The following SDR9C7 variants were observed in gnomAD, a reference collection of about 807,000 sequenced individuals.
SDR9C7 encodes short chain dehydrogenase/reductase family 9C member 7.
Under a neutral mutation model 23.6 loss-of-function variants are expected in SDR9C7, and 11 were observed. The ratio of observed to expected loss-of-function variants is 0.47; its 90% confidence interval spans 0.29 to 0.77. SDR9C7 has a LOEUF of 0.77. Among genes scored for constraint, SDR9C7 ranks in the 30% least tolerant of loss-of-function variants. SDR9C7 has a pLI of 0.09. For missense variants in SDR9C7, 387 were observed against 407.1 expected, an observed-to-expected ratio of 0.95 and a Z score of 0.42; for synonymous variants, 167 against 157.3, an observed-to-expected ratio of 1.06 and a Z score of -0.46.
At chr12:56,931,934 A>G (rs864541) in intron 1 of SDR9C7, among the ~76,000 whole-genome samples, 41,489 of 151,948 alleles carry the variant, frequency 0.27, 7,375 homozygotes, top group African/African-American at 0.5. Context: ...CCATGCCCCT[A>G]CCCAGTCTCC....
chr12:56,933,707 C>G (rs142517875), intron 1 of SDR9C7, among the ~76,000 whole-genome samples: 448 of 152,308 alleles, frequency 2.9e-3, no homozygotes, highest in Middle Eastern at 0.014. Context: ...ATCTTCCCCC[C>G]TCGCTTCCTA....
At chr12:56,929,678 G>A in intron 2 of SDR9C7, 125 bp from the exon 3 acceptor site, 1 of 1,158,298 alleles carries the variant, frequency 8.6e-7, no homozygotes, top group Admixed American at 2.4e-5. Context: ...CTTGGCCCTG[G>A]CATTGCCTTT....
At chr12:56,927,377 T>C (rs1050859447) in intron 3 of SDR9C7, among the ~76,000 whole-genome samples, 11 of 152,176 alleles carry the variant, frequency 7.2e-5, no homozygotes, top group Non-Finnish European at 1.5e-5. Context: ...CACAAATAAT[T>C]TGAACTACTC....
Position 56,934,330 on chromosome 12 carries a change from T to C in SDR9C7, c.-69A>G. 2 of 1,408,724 alleles carry C rather than the reference T, an allele frequency of 1.4e-6. No individual in the cohort carries two copies. The highest frequency in any genetic ancestry group is 2.0e-6 in the Non-Finnish European group (2 of 1,025,012). 87.3% of individuals were successfully genotyped at this position (1,408,724 alleles called of 1,614,324 possible). ...GACAGCAGGGAAGAAGCTGGTCCTC[T>C]GAGCCCTAGCAGGCAGTCTGCAGGA... On this transcript the variant is annotated 5_prime_UTR_variant, in exon 1 of 4. Coordinates refer to ENST00000293502, the MANE Select transcript of SDR9C7 (RefSeq NM_148897.3).
chr12:56,934,291 G>A lies in SDR9C7; in HGVS notation c.-30C>T, dbSNP rs775892594. ...CAAGGGGAATGTGATGGCCAAGAGG[G>A]ACTGGGCTCAGGAGACAGCAGGGAA... is the stretch of plus-strand genomic sequence containing the variant. On this transcript the variant is annotated 5_prime_UTR_variant, in exon 1 of 4. Transcript: ENST00000293502. The A allele has an allele frequency of 3.2e-5, 51 of 1,587,564 alleles. No individual in the cohort carries two copies. The Admixed American group carries it at 6.3e-4, about 19-fold the overall frequency.
intron 1 of SDR9C7, among the ~76,000 whole-genome samples, chr12:56,933,506 G>A (rs899250806): frequency 6.6e-6 from 1 of 152,080 alleles, no homozygotes; most frequent in Non-Finnish European, 1.5e-5. Context: ...CTACAGGCAC[G>A]TGCCACCACA....
At chr12:56,933,804 G>A (rs1455615650) in intron 1 of SDR9C7, among the ~76,000 whole-genome samples, 157 bp downstream of exon 1, 2 of 152,138 alleles carry the variant, frequency 1.3e-5, no homozygotes, top group African/African-American at 2.4e-5. Context: ...GCCAAACCAT[G>A]CAGTGGCTTC....
chr12:56,933,893 G>T lies in SDR9C7; in HGVS notation c.301+68C>A, dbSNP rs779527428. 4.4e-5 allele frequency: 68 copies of T among 1,529,084 alleles called. No individual in the cohort carries two copies. The Middle Eastern group carries it at 7.0e-4, about 16-fold the overall frequency. The allele number at this position is 1,529,084 out of a possible 1,614,324, so 94.7% of individuals were successfully genotyped here. A position where few individuals can be genotyped will look rare whatever the true frequency, so the allele number is the denominator to read the frequency against. ...GACATCAGGGTCTCTGATACTGTCA[G>T]ATGCTTCGGGAGAGAGGAAGAGGAA... On this transcript the variant is annotated intron_variant, in intron 1 of 3. Coordinates refer to ENST00000293502, the MANE Select transcript of SDR9C7 (RefSeq NM_148897.3).
Position 56,930,463 on chromosome 12 carries a change from T to C in SDR9C7, c.323A>G (p.Asn108Ser). 6.2e-7 allele frequency: 1 copy of C among 1,614,158 alleles called. No homozygotes were observed. Residue 108 changes from asparagine to serine, a missense_variant, in exon 2 of 4, where the codon AAT (asparagine) becomes AGT (serine). By Grantham distance (46) the Asn-to-Ser change is conservative (BLOSUM62 1). Transcript: ENST00000293502. ...GEQGLWALVN[N>S]AGVGLPSGPN... ...ACCACTGGGCAGGCCCACACCAGCA[T>C]TGTTCACCAGGGCCCAGAGGCCTGG...
Position 56,934,363 on chromosome 12 carries a change from T to C in SDR9C7, c.-102A>G, listed in dbSNP as rs2136371285. ...AGCAGGCAGTCTGCAGGAAACCACC[T>C]GGAAGAAGAACTCTCCTTCCTCCCA... is the stretch of plus-strand genomic sequence containing the variant. On this transcript the variant is annotated 5_prime_UTR_variant, in exon 1 of 4. Transcript: ENST00000293502. The C allele has an allele frequency of 1.0e-6, 1 of 983,024 alleles. No individual in the cohort carries two copies. The highest frequency in any genetic ancestry group is 2.5e-5 in the East Asian group (1 of 40,436). The allele number at this position is 983,024 out of a possible 1,614,324, so 60.9% of individuals were successfully genotyped here.
At chr12:56,929,788 T>A (rs1342528680) in intron 2 of SDR9C7, among the ~76,000 whole-genome samples, 4 of 152,214 alleles carry the variant, frequency 2.6e-5, no homozygotes, top group Admixed American at 2.6e-4. Flanking sequence ...AAGAAGTCAA[T>A]AGAGAATCTA....
At chr12:56,926,385 C>A (rs758464603) in intron 3 of SDR9C7, among the ~76,000 whole-genome samples, 4 of 152,194 alleles carry the variant, frequency 2.6e-5, no homozygotes, top group African/African-American at 9.6e-5. Context: ...ATCCTTCCCA[C>A]GGTGACACAA....
At chr12:56,931,258 A>G (rs1433769204) in intron 1 of SDR9C7, among the ~76,000 whole-genome samples, 1 of 152,080 alleles carries the variant, frequency 6.6e-6, no homozygotes. Context: ...TAAAAATAAA[A>G]TGAAATAAAA....
rs111368194 is a variant in SDR9C7, at chr12:56,924,429, A to AAAATAAATAAATAAAT, written c.725-395_725-380dup. 2.6e-3 allele frequency among the ~76,000 whole-genome samples: 389 copies of AAAATAAATAAATAAAT among 151,028 alleles called. 2 individuals carry two copies. Among genetic ancestry groups the AAAATAAATAAATAAAT allele is most frequent in the African/African-American group, 8.7e-3 (356 of 40,794 alleles). ...GGGAAACAGAATGACACGCTGTCTC[A>AAAATAAATAAATAAAT]AAATAAATAAATAAATAAATAAATA... is the stretch of plus-strand genomic sequence containing the variant. On this transcript the variant is annotated intron_variant, in intron 3 of 3. Coordinates refer to ENST00000293502, the MANE Select transcript of SDR9C7 (RefSeq NM_148897.3).
At chr12:56,927,785 T>G (rs1028597938) in intron 3 of SDR9C7, among the ~76,000 whole-genome samples, 1 of 152,200 alleles carries the variant, frequency 6.6e-6, no homozygotes, top group Non-Finnish European at 1.5e-5. Flanking sequence ...CTGGAGTCAG[T>G]GCAAAAGAAG....
intron 1 of SDR9C7, among the ~76,000 whole-genome samples, chr12:56,933,577 C>T (rs565991445): frequency 6.6e-6 from 1 of 152,302 alleles, no homozygotes; most frequent in South Asian, 2.1e-4. Context: ...CCGGGATGGT[C>T]TCGATCTCTT....
chr12:56,923,804 G>A lies in SDR9C7; in HGVS notation c.*29C>T. The A allele has an allele frequency of 6.7e-7, 1 of 1,498,758 alleles. No individual in the cohort carries two copies. Among genetic ancestry groups the A allele is most frequent in the Non-Finnish European group, 9.1e-7 (1 of 1,102,362 alleles). 92.8% of individuals were successfully genotyped at this position (1,498,758 alleles called of 1,614,324 possible). On this transcript the variant is annotated 3_prime_UTR_variant, in exon 4 of 4. Transcript: ENST00000293502. ...TCCTTCCTTCCTCCCCCACTTCTAG[G>A]CTCCACTGACCCATTGATCCTCCCC...
chr12:56,928,101 C>T (rs1195333117), intron 3 of SDR9C7, among the ~76,000 whole-genome samples: 1 of 152,158 alleles, frequency 6.6e-6, no homozygotes, highest in Non-Finnish European at 1.5e-5. Context: ...CTCCATTCAC[C>T]ATGTTCTTCA....
At chr12:56,926,290 C>T (rs1391019432) in intron 3 of SDR9C7, among the ~76,000 whole-genome samples, 2 of 152,216 alleles carry the variant, frequency 1.3e-5, no homozygotes, top group Non-Finnish European at 2.9e-5. Context: ...CCACCCCCCA[C>T]CACCAGAACC....
Sources: allele counts gnomAD v4.1 joint callset (sites outside exome capture counted in the v4.1 genomes callset), GRCh38; gene constraint gnomAD v4.1.1; transcripts MANE v1.5; gene names NCBI Gene and HGNC (gene_info 2026-07-23, HGNC 2026-07-21).